MACROD2: variants seen among roughly 807,000 people sequenced by gnomAD.
MACROD2 encodes the protein ADP-ribose glycohydrolase MACROD2.
In MACROD2, 36 loss-of-function variants were observed where a neutral mutation model predicts 70.4. That is an observed-to-expected ratio of 0.51 (90% confidence interval 0.39 to 0.68). MACROD2 has a LOEUF of 0.68. MACROD2 is among the 30% of genes least tolerant of loss of function. The pLI is 0.00. For missense variants in MACROD2, 496 were observed against 538.4 expected, an observed-to-expected ratio of 0.92 and a Z score of 0.78; for synonymous variants, 172 against 178.8, an observed-to-expected ratio of 0.96 and a Z score of 0.30.
chr20:14,977,097 C>G (rs1258604898), intron 5 of MACROD2, among the ~76,000 whole-genome samples: 1 of 151,958 alleles, frequency 6.6e-6, no homozygotes. Context: ...CTATGGTTCC[C>G]CAAATCATAG....
At chr20:14,234,384 C>T (rs1238438343) in intron 3 of MACROD2, among the ~76,000 whole-genome samples, 2 of 152,158 alleles carry the variant, frequency 1.3e-5, no homozygotes, top group African/African-American at 2.4e-5. Context: ...GTTTTCCACA[C>T]ATTTTTTATG....
intron 3 of MACROD2, among the ~76,000 whole-genome samples, chr20:14,455,862 A>G (rs1291335439): frequency 6.6e-6 from 1 of 151,678 alleles, no homozygotes; most frequent in Non-Finnish European, 1.5e-5. Context: ...TTTGTTTTTA[A>G]CTGTACATAT....
At chr20:15,110,211 A>T (rs185507267) in intron 5 of MACROD2, among the ~76,000 whole-genome samples, 1 of 152,272 alleles carries the variant, frequency 6.6e-6, no homozygotes, top group East Asian at 1.9e-4. Context: ...AGGAGAGGCC[A>T]GAAAGAACTT....
intron 5 of MACROD2, among the ~76,000 whole-genome samples, chr20:14,697,771 G>A (rs2071144147): frequency 6.6e-6 from 1 of 152,146 alleles, no homozygotes; most frequent in African/African-American, 2.4e-5. Flanking sequence ...TCTTGAGGAT[G>A]TATGTTTGGG....
intron 5 of MACROD2, among the ~76,000 whole-genome samples, chr20:15,042,255 G>T (rs1239422293): frequency 3.9e-5 from 6 of 152,160 alleles, no homozygotes; most frequent in Non-Finnish European, 7.4e-5. Flanking sequence ...GAAAAAAAAG[G>T]TATAAATCCT....
intron 9 of MACROD2, among the ~76,000 whole-genome samples, chr20:15,883,038 A>AAAAC (rs546184839): frequency 2.0e-5 from 3 of 151,788 alleles, no homozygotes; most frequent in Non-Finnish European, 1.5e-5. Context: ...CTTAAAAAAA[A>AAAAC]AAACAAACAA....
At chr20:14,976,688 C>T (rs2074742525) in intron 5 of MACROD2, among the ~76,000 whole-genome samples, 1 of 152,086 alleles carries the variant, frequency 6.6e-6, no homozygotes, top group South Asian at 2.1e-4. Flanking sequence ...GATGGTTTAG[C>T]CTAGAGGTGA....
At chr20:14,316,062 A>G (rs2082609710) in intron 3 of MACROD2, among the ~76,000 whole-genome samples, 1 of 152,224 alleles carries the variant, frequency 6.6e-6, no homozygotes, top group Non-Finnish European at 1.5e-5. Flanking sequence ...GCGCAAAGCT[A>G]GGAAAAAGCT....
intron 8 of MACROD2, among the ~76,000 whole-genome samples, chr20:15,502,305 C>T (rs2047374405): frequency 6.6e-6 from 1 of 152,070 alleles, no homozygotes; most frequent in Non-Finnish European, 1.5e-5. Flanking sequence ...CAGAGAGAAC[C>T]ATAGGAGAAA....
At chr20:15,108,700 G>T (rs1269113906) in intron 5 of MACROD2, among the ~76,000 whole-genome samples, 2 of 152,126 alleles carry the variant, frequency 1.3e-5, no homozygotes, top group South Asian at 2.1e-4. Context: ...TTGAACCAGA[G>T]AATTTTTTTG....
At chr20:15,946,274 A>G (rs2065821507) in intron 12 of MACROD2, among the ~76,000 whole-genome samples, 2 of 152,084 alleles carry the variant, frequency 1.3e-5, no homozygotes, top group African/African-American at 4.8e-5. Flanking sequence ...TCTGTATATG[A>G]AAATCCTGAT....
chr20:15,113,434 G>A (rs966630940), intron 5 of MACROD2, among the ~76,000 whole-genome samples: 3 of 152,074 alleles, frequency 2.0e-5, no homozygotes, highest in Admixed American at 6.6e-5. Flanking sequence ...TTGAATAAAG[G>A]GGCATGTTTA....
chr20:15,961,493 A>G (rs148225830), intron 12 of MACROD2, among the ~76,000 whole-genome samples: 3 of 152,248 alleles, frequency 2.0e-5, no homozygotes, highest in Admixed American at 1.3e-4. Context: ...GCTAAAAGCA[A>G]TCTGAGCCCA....
intron 2 of MACROD2, chr20:14,053,757 TA>T (rs1330351756): frequency 6.6e-6 from 1 of 152,128 alleles, no homozygotes; most frequent in Non-Finnish European, 1.5e-5. Flanking sequence ...TGATGGAACT[TA>T]AATTTTATTT....
chr20:15,690,983 C>G (rs967324842), intron 8 of MACROD2, among the ~76,000 whole-genome samples: 1 of 152,040 alleles, frequency 6.6e-6, no homozygotes, highest in Non-Finnish European at 1.5e-5. Context: ...TATTTTTATT[C>G]CTACTTTAGG....
At chr20:15,842,531 T>C (rs2064182964) in intron 8 of MACROD2, among the ~76,000 whole-genome samples, 1 of 140,732 alleles carries the variant, frequency 7.1e-6, no homozygotes, top group Non-Finnish European at 1.5e-5. Flanking sequence ...TTGCTTCTTC[T>C]CCAGTTCCCT....
At chr20:15,378,491 A>G (rs981552653) in intron 6 of MACROD2, among the ~76,000 whole-genome samples, 1 of 152,118 alleles carries the variant, frequency 6.6e-6, no homozygotes, top group Non-Finnish European at 1.5e-5. Flanking sequence ...GATACTGACG[A>G]TTATAATAAT....
At chr20:14,973,889 A>ATTT (rs778445705) in intron 5 of MACROD2, among the ~76,000 whole-genome samples, 25 of 152,208 alleles carry the variant, frequency 1.6e-4, no homozygotes, top group Non-Finnish European at 2.6e-4. Flanking sequence ...TTACTACCTT[A>ATTT]TGAAAGGTAA....
chr20:14,403,149 G>A (rs1275188063), intron 3 of MACROD2, among the ~76,000 whole-genome samples: 1 of 152,024 alleles, frequency 6.6e-6, no homozygotes, highest in African/African-American at 2.4e-5. Flanking sequence ...GTAGAATTAT[G>A]CATTTGTTTA....
Sources: gnomAD v4.1 joint callset for allele counts (sites outside exome capture counted in the v4.1 genomes callset) on GRCh38, gnomAD v4.1.1 for gene constraint, MANE v1.5 for transcripts, NCBI Gene and HGNC (gene_info 2026-07-23, HGNC 2026-07-21) for gene names.